RRAGD: variants seen among roughly 807,000 people sequenced by gnomAD.
RRAGD encodes the protein Ras related GTP binding D.
A neutral mutation model predicts 35.5 loss-of-function variants in RRAGD; 12 were observed. The ratio of observed to expected loss-of-function variants is 0.34; its 90% CI spans 0.22 to 0.55. The LOEUF is 0.55. RRAGD is among the 20% of genes least tolerant of loss of function. The pLI is 0.91. For missense variants in RRAGD, 324 were observed against 490.1 expected, an observed-to-expected ratio of 0.66 and a Z score of 3.20; for synonymous variants, 155 against 178.9, an observed-to-expected ratio of 0.87 and a Z score of 1.07.
intron 1 of RRAGD, among the ~76,000 whole-genome samples, chr6:89,410,527 C>G (rs2059899592): frequency 6.6e-6 from 1 of 152,138 alleles, no homozygotes; most frequent in African/African-American, 2.4e-5. Context: ...AACGGTAAGA[C>G]CAATTACCGG....
rs1489243450 is a variant in RRAGD, at chr6:89,365,104, T to C, written c.*2952A>G. The C allele has an allele frequency of 6.6e-6, 1 of 152,234 alleles. No individual in the cohort carries two copies. 9.4% of individuals were successfully genotyped at this position (152,234 alleles called of 1,614,324 possible). A position where few individuals can be genotyped will look rare whatever the true frequency, so the allele number is the denominator to read the frequency against. ...TATAACCCGTATGTAACAATATTGC[T>C]GTGATTTTAGTCATATTTAAGGGTC... On this transcript the variant is annotated 3_prime_UTR_variant, in exon 7 of 7. Transcript: ENST00000369415.
chr6:89,367,223 A>G lies in RRAGD; in HGVS notation c.*833T>C, dbSNP rs1768768157. 1 of 152,194 alleles carries G rather than the reference A, an allele frequency of 6.6e-6. No homozygotes were observed. Among genetic ancestry groups the G allele is most frequent in the African/African-American group, 2.4e-5 (1 of 41,440 alleles). 9.4% of individuals were successfully genotyped at this position (152,194 alleles called of 1,614,324 possible). A position where few individuals can be genotyped will look rare whatever the true frequency, so the allele number is the denominator to read the frequency against. On this transcript the variant is annotated 3_prime_UTR_variant, in exon 7 of 7. Transcript: ENST00000369415. ...CTTTAGCCCTGGGTGGTAGGTACAG[A>G]AAAGCCTCCAGAAACCCTACAATTC... is the stretch of plus-strand genomic sequence containing the variant.
intron 1 of RRAGD, among the ~76,000 whole-genome samples, chr6:89,401,184 T>G (rs914217077): frequency 6.6e-6 from 1 of 151,940 alleles, no homozygotes; most frequent in Admixed American, 6.6e-5. Context: ...ATTTGCAAGT[T>G]CAGGAAACTG....
intron 5 of RRAGD, among the ~76,000 whole-genome samples, chr6:89,376,652 A>G (rs940439527): frequency 2.0e-5 from 3 of 152,172 alleles, no homozygotes; most frequent in African/African-American, 7.2e-5. Flanking sequence ...TACATCGGGT[A>G]ACATAATCAG....
At chr6:89,378,744 G>A (rs1768990773) in intron 4 of RRAGD, among the ~76,000 whole-genome samples, 1 of 152,206 alleles carries the variant, frequency 6.6e-6, no homozygotes, top group Non-Finnish European at 1.5e-5. Context: ...TGAAGTGCAG[G>A]AATGCATCTG....
At chr6:89,399,907 G>T (rs1371070861) in intron 1 of RRAGD, among the ~76,000 whole-genome samples, 4 of 151,882 alleles carry the variant, frequency 2.6e-5, no homozygotes, top group African/African-American at 9.7e-5. Flanking sequence ...CCCGGTCTGG[G>T]TGGGACATTT....
intron 5 of RRAGD, among the ~76,000 whole-genome samples, chr6:89,377,283 G>C (rs1223555083): frequency 3.9e-5 from 6 of 152,090 alleles, no homozygotes; most frequent in Admixed American, 3.9e-4. Flanking sequence ...TGTTGTTCAA[G>C]GGTCAAATGT....
intron 1 of RRAGD, among the ~76,000 whole-genome samples, chr6:89,406,553 G>A (rs556433997): frequency 7.2e-4 from 110 of 152,128 alleles, no homozygotes; most frequent in Non-Finnish European, 1.4e-3. Flanking sequence ...TGGCCGGAGT[G>A]GTCAGAAAAC....
chr6:89,411,867 C>A lies in RRAGD; in HGVS notation c.127G>T (p.Asp43Tyr). Residue 43 changes from aspartate to tyrosine, a missense_variant, in exon 1 of 7, where the codon GAC becomes TAC. By Grantham distance (160) the Asp-to-Tyr change is radical. Transcript: ENST00000369415. This position sits in a 1 kb window ranked among gnomAD's most constrained non-coding sequence, Gnocchi z 5.6. ...DGPDSSDADP[D>Y]SGTEEGVLDF... is the part of the protein sequence containing the mutation. Reference sequence around the variant, plus strand: ...TCACCTCCCTCCTCTGTGCCGCTGTCCGGATCGGCGTCGGAGGAGTCGGGC... The same window carrying A: ...TCACCTCCCTCCTCTGTGCCGCTGTACGGATCGGCGTCGGAGGAGTCGGGC... 1.3e-6 allele frequency: 2 copies of A among 1,550,836 alleles called. No homozygotes were observed. The highest frequency in any genetic ancestry group is 2.4e-5 in the East Asian group (1 of 41,984).
Position 89,412,076 on chromosome 6 carries a change from T to C in RRAGD, c.-83A>G. The stretch of plus-strand genomic sequence containing the variant: ...CTCCTAGCCGGCCGCCCGCAGCCTA[T>C]TTCTGAAGCGGAGGTTTGTCTAGAG... On this transcript the variant is annotated 5_prime_UTR_variant, in exon 1 of 7. Coordinates refer to ENST00000369415, the MANE Select transcript of RRAGD (RefSeq NM_021244.5). The surrounding 1 kb of genome is among the most constrained non-coding windows in gnomAD (Gnocchi z 4.2). 2 of 1,368,582 alleles carry C rather than the reference T, an allele frequency of 1.5e-6. No individual in the cohort carries two copies. Among genetic ancestry groups the C allele is most frequent in the Non-Finnish European group, 1.9e-6 (2 of 1,038,792 alleles). 84.8% of individuals were successfully genotyped at this position (1,368,582 alleles called of 1,614,324 possible).
chr6:89,390,872 T>C (rs1197400353), intron 1 of RRAGD, among the ~76,000 whole-genome samples: 1 of 152,148 alleles, frequency 6.6e-6, no homozygotes, highest in Non-Finnish European at 1.5e-5. Flanking sequence ...CACTCCAGCC[T>C]GGGCAACAGA....
At chr6:89,390,214 AT>A (rs1356043244) in intron 1 of RRAGD, among the ~76,000 whole-genome samples, 1 of 152,254 alleles carries the variant, frequency 6.6e-6, no homozygotes, top group Non-Finnish European at 1.5e-5. Flanking sequence ...TTCATCAAAA[AT>A]TTTAAAAGTA....
At chr6:89,406,186 T>C (rs1458173825) in intron 1 of RRAGD, among the ~76,000 whole-genome samples, 1 of 152,124 alleles carries the variant, frequency 6.6e-6, no homozygotes, top group East Asian at 1.9e-4. Context: ...GCAGTCCTAA[T>C]GATAAGGGGA....
rs1425570609 is a variant in RRAGD, at chr6:89,365,709, G to A, written c.*2347C>T. 1 of 152,104 alleles carries A rather than the reference G, an allele frequency of 6.6e-6. No individual in the cohort carries two copies. Among genetic ancestry groups the A allele is most frequent in the African/African-American group, 2.4e-5 (1 of 41,412 alleles). The allele number at this position is 152,104 out of a possible 1,614,324, so 9.4% of individuals were successfully genotyped here. A position where few individuals can be genotyped will look rare whatever the true frequency, so the allele number is the denominator to read the frequency against. On this transcript the variant is annotated 3_prime_UTR_variant, in exon 7 of 7. Transcript: ENST00000369415. The stretch of plus-strand genomic sequence containing the variant: ...TTGCCTTTCCCCCAAAGAATCATTT[G>A]CTCTTGAAGTAATAGGCTTTTTAAG...
intron 1 of RRAGD, among the ~76,000 whole-genome samples, chr6:89,397,087 T>C (rs1769350761): frequency 6.6e-6 from 1 of 152,060 alleles, no homozygotes; most frequent in South Asian, 2.1e-4. Flanking sequence ...AAGAGACAAC[T>C]TGCCCAAGAA....
intron 2 of RRAGD, among the ~76,000 whole-genome samples, chr6:89,383,975 A>T (rs1231123172): frequency 2.0e-5 from 3 of 151,804 alleles, no homozygotes; most frequent in African/African-American, 4.8e-5. Flanking sequence ...TATAAAACTT[A>T]GCTGGGTGTG....
chr6:89,380,028 A>C (rs1411360171), intron 3 of RRAGD, 140 bp downstream of exon 3: 2 of 732,930 alleles, frequency 2.7e-6, no homozygotes, highest in African/African-American at 3.5e-5. Flanking sequence ...ATTTTCCCCT[A>C]ATCCTATCCA....
chr6:89,378,026 G>A (rs912628795), intron 4 of RRAGD, among the ~76,000 whole-genome samples: 5 of 152,192 alleles, frequency 3.3e-5, no homozygotes, highest in Non-Finnish European at 5.9e-5. Context: ...AGTAGAGGCC[G>A]GGCATGGTGG....
intron 5 of RRAGD, among the ~76,000 whole-genome samples, chr6:89,374,082 C>A (rs1768895061): frequency 6.6e-6 from 1 of 152,166 alleles, no homozygotes; most frequent in South Asian, 2.1e-4. Flanking sequence ...TTGTGTTAAA[C>A]CTTACCACAT....
Sources: allele counts gnomAD v4.1 joint callset (sites outside exome capture counted in the v4.1 genomes callset), GRCh38; gene constraint gnomAD v4.1.1; non-coding constraint Gnocchi (gnomAD v3.1); transcripts MANE v1.5; gene names NCBI Gene and HGNC (gene_info 2026-07-23, HGNC 2026-07-21).